Variants in SPTA1 observed in about 807,000 individuals in gnomAD.
The protein encoded by SPTA1 is spectrin alpha chain, erythrocytic 1.
SPTA1 carries 177 observed loss-of-function variants against 324.7 expected under a neutral mutation model. The observed-to-expected ratio is 0.55, with a 90% confidence interval of 0.48 to 0.62. SPTA1 has a LOEUF of 0.62. Ranked by LOEUF, SPTA1 falls within the 20% of genes least tolerant of loss-of-function variation. The pLI is 0.00. For synonymous variants in SPTA1, 1,195 were observed against 1,041.3 expected, an observed-to-expected ratio of 1.15 and a Z score of -2.84; for missense variants, 3,162 against 2,883.6, an observed-to-expected ratio of 1.10 and a Z score of -2.21.
At chr1:158,615,704 CT>C (rs780927665) in intron 47 of SPTA1, among the ~76,000 whole-genome samples, 10 of 116,318 alleles carry the variant, frequency 8.6e-5, no homozygotes, top group South Asian at 2.6e-4. Context: ...TATCATCTAT[CT>C]ATCATCTATC....
At chr1:158,681,799 A>G in intron 3 of SPTA1, 132 bp from the exon 4 acceptor site, 1 of 1,182,450 alleles carries the variant, frequency 8.5e-7, no homozygotes, top group East Asian at 2.5e-5. Context: ...CTCAACAAAC[A>G]TTTAAAAGAG....
At chr1:158,666,564 C>G (rs895881063) in intron 15 of SPTA1, 67 bp from the exon 16 acceptor site, 34 of 1,371,118 alleles carry the variant, frequency 2.5e-5, no homozygotes, top group Middle Eastern at 1.8e-4. Flanking sequence ...TATAATATAC[C>G]TTCCTCCAAT....
intron 17 of SPTA1, 124 bp from the exon 18 acceptor site, chr1:158,661,533 T>C: frequency 7.9e-7 from 1 of 1,257,944 alleles, no homozygotes; most frequent in Non-Finnish European, 1.1e-6. Context: ...TTGAGTAAGA[T>C]TCTTTAAATT....
chr1:158,643,265 A>G, intron 31 of SPTA1, 57 bp downstream of exon 31: 1 of 1,595,630 alleles, frequency 6.3e-7, no homozygotes, highest in Admixed American at 1.7e-5. Context: ...AATGCTAGCA[A>G]AAAGGTCAGT....
Position 158,666,469 on chromosome 1 carries a change from C to A in SPTA1, c.2067G>T (p.Gln689His), listed in dbSNP as rs1323695148. ...KGTQLHEANQ[Q>H]LQFENNAEDL... is the part of the protein sequence containing the mutation. ...CTTCTGCATTATTTTCAAATTGCAG[C>A]TGCTGGTTGGCCTCATGCAACTGGG... The change falls in exon 16 of 52, where the codon CAG becomes CAT. Residue 689 changes from glutamine (Q) to histidine (H), a missense_variant. By Grantham distance (24) the Gln-to-His change is conservative (BLOSUM62 0). Transcript: ENST00000643759. The A allele has an allele frequency of 1.2e-6, 2 of 1,610,988 alleles. No individual in the cohort carries two copies.
chr1:158,644,151 T>C, intron 30 of SPTA1, 102 bp downstream of exon 30: 1 of 1,440,360 alleles, frequency 6.9e-7, no homozygotes, highest in Non-Finnish European at 9.3e-7. Flanking sequence ...AAAAAAAAAG[T>C]AAATCAAAAT....
Position 158,627,715 on chromosome 1 carries a change from T to C in SPTA1, c.5574A>G (p.Leu1858=), listed in dbSNP as rs772507276. ...GDTLAATQSL[L]MKHEALENDF... Reference sequence around the variant, plus strand: ...CATTTTCCAAAGCTTCATGCTTCATTAGCAAGCTCTGCATAAATAAGTCGG... The same window carrying C: ...CATTTTCCAAAGCTTCATGCTTCATCAGCAAGCTCTGCATAAATAAGTCGG... Residue 1858 remains leucine, a synonymous_variant, in exon 40 of 52, where the codon CTA becomes CTG. Transcript: ENST00000643759. 6 of 1,612,328 alleles carry C rather than the reference T, an allele frequency of 3.7e-6. No individual in the cohort carries two copies. The highest frequency in any genetic ancestry group is 5.1e-6 in the Non-Finnish European group (6 of 1,179,650).
chr1:158,612,816 C>G lies in SPTA1; in HGVS notation c.7134+1G>C. The stretch of plus-strand genomic sequence containing the variant: ...AGTAGGGGAAGCAACCAGAATCGGA[C>G]CTGCTTCATGTCTTCTTTGGTAATA... On this transcript the variant is annotated splice_donor_variant, in intron 51 of 51. Coordinates refer to ENST00000643759, the MANE Select transcript of SPTA1 (RefSeq NM_003126.4). LOFTEE classifies it high-confidence loss of function. The G allele has an allele frequency of 6.2e-7, 1 of 1,613,766 alleles. No homozygotes were observed. The highest frequency in any genetic ancestry group is 8.5e-7 in the Non-Finnish European group (1 of 1,179,770).
chr1:158,678,826 A>G (rs966271830), intron 5 of SPTA1, among the ~76,000 whole-genome samples: 1 of 152,106 alleles, frequency 6.6e-6, no homozygotes, highest in Non-Finnish European at 1.5e-5. Flanking sequence ...CACCTTGTCA[A>G]TGCTTGAGAT....
chr1:158,647,327 CT>C (rs1652070812), intron 27 of SPTA1, among the ~76,000 whole-genome samples: 1 of 152,160 alleles, frequency 6.6e-6, no homozygotes, highest in Admixed American at 6.5e-5. Flanking sequence ...ATTATAGAAG[CT>C]TACTTAATTG....
At chr1:158,642,298 T>A (rs1469003912) in intron 33 of SPTA1, 113 bp downstream of exon 33, 1 of 1,166,308 alleles carries the variant, frequency 8.6e-7, no homozygotes, top group Non-Finnish European at 1.1e-6. Context: ...ACCCTAAAAC[T>A]TAAAGTATAA....
At chr1:158,614,522 G>A (rs1270532357) in intron 48 of SPTA1, 7 of 462,388 alleles carry the variant, frequency 1.5e-5, no homozygotes, top group Non-Finnish European at 2.3e-5. Flanking sequence ...ATTTTCATAT[G>A]GTTGAAGACA....
intron 39 of SPTA1, among the ~76,000 whole-genome samples, chr1:158,632,144 C>A (rs1295869561): frequency 2.0e-5 from 3 of 152,048 alleles, no homozygotes; most frequent in Non-Finnish European, 4.4e-5. Context: ...CAACATTTAA[C>A]AACATAGATG....
intron 39 of SPTA1, among the ~76,000 whole-genome samples, chr1:158,632,250 CAA>C (rs1485481591): frequency 1.3e-5 from 2 of 151,906 alleles, no homozygotes; most frequent in Non-Finnish European, 2.9e-5. Flanking sequence ...TTTATAAAAT[CAA>C]AGAGTGGAAT....
chr1:158,680,834 A>T, intron 4 of SPTA1, 105 bp from the exon 5 acceptor site: 1 of 1,454,530 alleles, frequency 6.9e-7, no homozygotes, highest in Non-Finnish European at 9.5e-7. Flanking sequence ...TCAAATGGAG[A>T]TACTGGGGGA....
intron 19 of SPTA1, among the ~76,000 whole-genome samples, chr1:158,657,077 C>A (rs979941058): frequency 6.6e-6 from 1 of 152,118 alleles, no homozygotes; most frequent in South Asian, 2.1e-4. Flanking sequence ...TGATTATAAC[C>A]TTTGTGGTTC....
At chr1:158,634,340 C>T (rs1168485777) in intron 39 of SPTA1, among the ~76,000 whole-genome samples, 1 of 152,172 alleles carries the variant, frequency 6.6e-6, no homozygotes, top group East Asian at 1.9e-4. Context: ...TGCCTTCATG[C>T]CTGATTGGTT....
At chr1:158,636,154 C>T in intron 37 of SPTA1, 120 bp from the exon 38 acceptor site, 1 of 1,547,848 alleles carries the variant, frequency 6.5e-7, no homozygotes, top group Non-Finnish European at 8.9e-7. Context: ...CTCCACGGGA[C>T]TTTGTGAGGG....
At position 158,621,868 on chromosome 1, in the gene SPTA1, T is replaced by C. The variant is rs147289352; in HGVS notation, c.6120+1115A>G. Among the ~76,000 whole-genome samples the C allele has an allele frequency of 6.3e-3, 957 of 152,258 alleles. 10 individuals are homozygous for C. Among genetic ancestry groups the C allele is most frequent in the African/African-American group, 0.022 (924 of 41,560 alleles). On this transcript the variant is annotated intron_variant, in intron 43 of 51. Transcript: ENST00000643759. ...ATTCCACTGACCATTCTGATTTCCT[T>C]TTATTTATTTTTTGAGATGGAGTCT...
Sources: allele counts gnomAD v4.1 joint callset (sites outside exome capture counted in the v4.1 genomes callset), GRCh38; gene constraint gnomAD v4.1.1; transcripts MANE v1.5; gene names NCBI Gene and HGNC (gene_info 2026-07-23, HGNC 2026-07-21).